The following CFAP20DC variants were observed in gnomAD, a reference collection of about 807,000 sequenced individuals.
CFAP20DC encodes CFAP20 domain containing.
In CFAP20DC, 84 loss-of-function variants were observed where a neutral mutation model predicts 101.7. That is an observed-to-expected ratio of 0.83 (90% CI 0.69 to 0.99). CFAP20DC has a LOEUF of 0.99. Ranked by LOEUF, CFAP20DC falls within the 50% of genes least tolerant of loss-of-function variation. The probability of loss-of-function intolerance (pLI) is 0.00; values close to 1 mark genes in which losing one functional copy is unlikely to be tolerated. For synonymous variants in CFAP20DC, 359 were observed against 351.2 expected (o/e 1.02, Z -0.25); for missense variants, 1,007 against 970.3 (o/e 1.04, Z -0.50).
intron 14 of CFAP20DC, among the ~76,000 whole-genome samples, chr3:58,807,382 G>A (rs907932710): frequency 1.3e-5 from 2 of 152,166 alleles, no homozygotes; most frequent in South Asian, 2.1e-4. Flanking sequence ...CCAGAGGAAC[G>A]ATCAGACAGC....
intron 4 of CFAP20DC, among the ~76,000 whole-genome samples, chr3:58,981,738 T>C (rs2092555942): frequency 6.6e-6 from 1 of 152,156 alleles, no homozygotes; most frequent in Non-Finnish European, 1.5e-5. Flanking sequence ...ATGTTAGACC[T>C]AAAACCATAA....
In CFAP20DC at chr3:58,913,863, C is replaced by T. The variant is rs1242537556; in HGVS notation, c.395G>A (p.Trp132Ter). The T allele has an allele frequency of 6.2e-7, 1 of 1,613,134 alleles. No individual in the cohort carries two copies. Among genetic ancestry groups the T allele is most frequent in the African/African-American group, 1.3e-5 (1 of 74,858 alleles). Residue 132 changes from tryptophan (W) to a stop codon, truncating the protein, a stop_gained and splice_region_variant, in exon 6 of 17, where the codon TGG (tryptophan) becomes TAG (stop). Transcript: ENST00000482387. LOFTEE classifies it high-confidence loss of function. The surrounding 1 kb of genome is among the most constrained non-coding windows in gnomAD (Gnocchi z 4.4). Reference sequence around the variant, plus strand: ...TACTAAGTCAATGCATAGATTGCACCACTAAAATAGAGAGATGCAAAGAAG... The same window carrying T: ...TACTAAGTCAATGCATAGATTGCACTACTAAAATAGAGAGATGCAAAGAAG... ...IPLFMIKRKI[W>*]CNLCIDLVAF...
At chr3:58,730,018 C>CAAAA (rs769033730) in intron 3 of CFAP20DC, among the ~76,000 whole-genome samples, 386 of 53,310 alleles carry the variant, frequency 7.2e-3, no homozygotes, top group African/African-American at 0.021. Context: ...AACCTGTCTC[C>CAAAA]AAAAAAAAAA....
intron 7 of CFAP20DC, among the ~76,000 whole-genome samples, chr3:58,879,623 C>T (rs894203508): frequency 6.6e-6 from 1 of 152,094 alleles, no homozygotes; most frequent in Admixed American, 6.5e-5. Flanking sequence ...CTCAGGCTTA[C>T]ATTTTAGTGG....
intron 4 of CFAP20DC, among the ~76,000 whole-genome samples, chr3:59,008,451 C>T (rs1333592558): frequency 6.6e-6 from 1 of 152,150 alleles, no homozygotes; most frequent in East Asian, 1.9e-4. Context: ...GGAATACCTT[C>T]GCTATTGACT....
chr3:58,815,952 C>T lies in CFAP20DC; in HGVS notation c.2176-9496G>A, dbSNP rs369292860. Among the ~76,000 whole-genome samples the T allele has an allele frequency of 2.0e-4, 30 of 151,536 alleles. No individual in the cohort carries two copies. In the East Asian group the frequency reaches 4.6e-3, roughly 23 times the overall value. ...TCAACCATTGTGGAAGTCAGTGTGGCGACTCCTCAGGGATCTAGAACTGGA... is the reference window on the plus strand; with the variant it reads ...TCAACCATTGTGGAAGTCAGTGTGGTGACTCCTCAGGGATCTAGAACTGGA... On this transcript the variant is annotated intron_variant, in intron 14 of 16. Transcript: ENST00000482387.
intron 16 of CFAP20DC, among the ~76,000 whole-genome samples, chr3:58,748,820 G>A (rs1450678508): frequency 7.2e-5 from 11 of 152,184 alleles, no homozygotes; most frequent in Admixed American, 5.2e-4. Context: ...TACAGTGTGG[G>A]ATTTAAGGGT....
rs116363308 is a variant in CFAP20DC at position 58,832,523 on chromosome 3, T to G, written c.1972-634A>C. Among the ~76,000 whole-genome samples the G allele has an allele frequency of 4.5e-3, 679 of 152,282 alleles. 3 individuals are homozygous for G. Among genetic ancestry groups the G allele is most frequent in the African/African-American group, 0.016 (653 of 41,546 alleles). ...CAGCTTATGAGTGAATTGATGAATT[T>G]CATCATTGTAAACATAATGACCAAA... On this transcript the variant is annotated intron_variant, in intron 13 of 16. Transcript: ENST00000482387.
intron 4 of CFAP20DC, chr3:58,992,399 G>C (rs1391525353): frequency 5.5e-6 from 1 of 180,376 alleles, no homozygotes; most frequent in Non-Finnish European, 1.1e-5. Context: ...AAGGCACATG[G>C]GGAGTGAGTG....
rs903579052 is a variant in CFAP20DC, at chr3:58,897,927, C to G, written c.551-13218G>C. 6.6e-6 allele frequency among the ~76,000 whole-genome samples: 1 copy of G among 152,150 alleles called. No individual in the cohort carries two copies. The highest frequency in any genetic ancestry group is 1.5e-5 in the Non-Finnish European group (1 of 68,042). ...TTCCTGAATTTAAATGTTGGCCTGG[C>G]TTACTAGGTTGGGGAATTTCTCCTG... On this transcript the variant is annotated intron_variant, in intron 6 of 16. Transcript: ENST00000482387. The surrounding 1 kb of genome is among the most constrained non-coding windows in gnomAD (Gnocchi z 4.4).
At chr3:58,789,350 G>C (rs2072654505) in intron 15 of CFAP20DC, among the ~76,000 whole-genome samples, 1 of 145,502 alleles carries the variant, frequency 6.9e-6, no homozygotes, top group Non-Finnish European at 1.5e-5. Context: ...ATTTAATTTA[G>C]TGCTTTAATT....
chr3:58,768,869 C>T (rs544749127), intron 15 of CFAP20DC, among the ~76,000 whole-genome samples: 4 of 152,182 alleles, frequency 2.6e-5, no homozygotes, highest in African/African-American at 4.8e-5. Flanking sequence ...TTTAGAGGAG[C>T]CTTGCTTGAG....
intron 4 of CFAP20DC, among the ~76,000 whole-genome samples, chr3:58,983,603 T>C (rs2092657441): frequency 6.6e-6 from 1 of 152,150 alleles, no homozygotes; most frequent in African/African-American, 2.4e-5. Flanking sequence ...TTATTGGAAA[T>C]AGGGTAAATA....
At chr3:58,927,926 C>T (rs2086163225) in intron 5 of CFAP20DC, among the ~76,000 whole-genome samples, 1 of 152,166 alleles carries the variant, frequency 6.6e-6, no homozygotes, top group African/African-American at 2.4e-5. Flanking sequence ...TGCTGCCAAG[C>T]ACCTCTTGGA....
chr3:59,006,418 A>G lies in CFAP20DC; in HGVS notation c.278+33139T>C, dbSNP rs957100947. Among the ~76,000 whole-genome samples the G allele has an allele frequency of 6.6e-6, 1 of 152,224 alleles. No homozygotes were observed. The highest frequency in any genetic ancestry group is 1.5e-5 in the Non-Finnish European group (1 of 68,036). On this transcript the variant is annotated intron_variant, in intron 4 of 16. Coordinates refer to ENST00000482387, the MANE Select transcript of CFAP20DC (RefSeq NM_001394063.1). The surrounding 1 kb of genome is among the most constrained non-coding windows in gnomAD (Gnocchi z 4.3). ...GGAATCTACCAGGAAAACTGGAAGA[A>G]TTCACAGATCCTTTGAAAGAAGCAG...
chr3:58,723,009 C>T (rs2067494242), intron 3 of CFAP20DC, among the ~76,000 whole-genome samples: 1 of 152,208 alleles, frequency 6.6e-6, no homozygotes, highest in South Asian at 2.1e-4. Context: ...TGGTGAGCAA[C>T]CTATCCTGAT....
At chr3:58,812,626 A>T (rs2074753973) in intron 14 of CFAP20DC, among the ~76,000 whole-genome samples, 1 of 151,766 alleles carries the variant, frequency 6.6e-6, no homozygotes, top group Non-Finnish European at 1.5e-5. Context: ...TAATGGGTGC[A>T]GCACACCAGC....
chr3:58,796,029 G>C (rs971409981), intron 15 of CFAP20DC, among the ~76,000 whole-genome samples: 1 of 152,180 alleles, frequency 6.6e-6, no homozygotes, highest in South Asian at 2.1e-4. Flanking sequence ...TCTTGGGCAG[G>C]TGGGCAGGGG....
rs1478092740 is a variant in CFAP20DC, at chr3:59,002,987, T to C, written c.278+36570A>G. Among the ~76,000 whole-genome samples, 1 of 152,182 alleles carries C rather than the reference T, an allele frequency of 6.6e-6. No homozygotes were observed. Among genetic ancestry groups the C allele is most frequent in the African/African-American group, 2.4e-5 (1 of 41,432 alleles). ...CCAAGATTTCTGACTGAATATCCAA[T>C]GTTCTTCCCTACAGTTATATGATGA... is the stretch of plus-strand genomic sequence containing the variant. On this transcript the variant is annotated intron_variant, in intron 4 of 16. Transcript: ENST00000482387. The surrounding 1 kb of genome is among the most constrained non-coding windows in gnomAD (Gnocchi z 4.5).
Sources: allele counts gnomAD v4.1 joint callset (sites outside exome capture counted in the v4.1 genomes callset), GRCh38; gene constraint gnomAD v4.1.1; non-coding constraint Gnocchi (gnomAD v3.1); transcripts MANE v1.5; gene names NCBI Gene and HGNC (gene_info 2026-07-23, HGNC 2026-07-21).